Variants in LY75 observed in about 807,000 individuals in gnomAD.
The protein encoded by LY75 is C-type lectin domain family 13 member B.
A neutral mutation model predicts 231.7 loss-of-function variants in LY75; 185 were observed. The ratio of observed to expected loss-of-function variants is 0.80; its 90% CI spans 0.71 to 0.90. LY75 has a LOEUF of 0.90. Among genes scored for constraint, LY75 ranks in the 40% least tolerant of loss-of-function variants. The pLI, the probability that LY75 is intolerant of heterozygous loss-of-function variation, is 0.00. For synonymous variants in LY75, 668 were observed against 689.0 expected (o/e 0.97, Z 0.48); for missense variants, 1,947 against 2,050.2 (o/e 0.95, Z 0.97).
chr2:159,806,407 T>A (rs1682793899), intron 34 of LY75, among the ~76,000 whole-genome samples: 2 of 152,242 alleles, frequency 1.3e-5, no homozygotes, highest in Admixed American at 1.3e-4. Context: ...ATGCAAGATC[T>A]TTAAAAATGT....
chr2:159,857,569 C>G (rs1219543968), intron 16 of LY75, among the ~76,000 whole-genome samples: 1 of 152,078 alleles, frequency 6.6e-6, no homozygotes, highest in African/African-American at 2.4e-5. Flanking sequence ...TGGTGAAACC[C>G]TGACTCTACT....
chr2:159,864,810 C>G (rs1408616808), intron 14 of LY75, 29 bp downstream of exon 14: 4 of 1,522,146 alleles, frequency 2.6e-6, no homozygotes, highest in African/African-American at 2.8e-5. Flanking sequence ...TGTTTCCATA[C>G]TACCTAAAAC....
chr2:159,855,039 G>T, intron 16 of LY75, 100 bp from the exon 17 acceptor site: 1 of 1,481,076 alleles, frequency 6.8e-7, no homozygotes, highest in Non-Finnish European at 9.3e-7. Context: ...TTGCAGTATT[G>T]TTGAGTCTTG....
At chr2:159,826,509 A>G (rs1192986971) in intron 28 of LY75, among the ~76,000 whole-genome samples, 1 of 152,180 alleles carries the variant, frequency 6.6e-6, no homozygotes, top group Non-Finnish European at 1.5e-5. Context: ...TAGAATCAAT[A>G]TCGTGAAAAT....
chr2:159,888,622 A>C (rs1685664101), intron 4 of LY75, among the ~76,000 whole-genome samples: 2 of 152,206 alleles, frequency 1.3e-5, no homozygotes, highest in South Asian at 4.1e-4. Flanking sequence ...GTGTGACAGA[A>C]TGCATCTGAA....
intron 25 of LY75, 114 bp from the exon 26 acceptor site, chr2:159,835,759 T>C: frequency 7.7e-7 from 1 of 1,305,278 alleles, no homozygotes; most frequent in Non-Finnish European, 1.0e-6. Context: ...TTAATACACA[T>C]TTACATACCA....
chr2:159,840,941 G>C lies in LY75; in HGVS notation c.3295C>G (p.Gln1099Glu), dbSNP rs148672696. 3.3e-5 allele frequency: 53 copies of C among 1,613,524 alleles called. No homozygotes were observed. The highest frequency in any genetic ancestry group is 4.3e-5 in the Non-Finnish European group (51 of 1,179,934). The change falls in exon 25 of 35, where the codon CAG (glutamine) becomes GAG (glutamate). Residue 1099 changes from glutamine to glutamate, a missense_variant. Transcript: ENST00000263636. ...CQKYSEVKSRQTLQNASETVK... is the reference protein window; with the variant it reads ...CQKYSEVKSRETLQNASETVK... Reference sequence around the variant, plus strand: ...GTTTCTGAAGCATTCTGCAACGTCTGTCTGCTTTTAACTTCTGCATGTAAA... The same window carrying C: ...GTTTCTGAAGCATTCTGCAACGTCTCTCTGCTTTTAACTTCTGCATGTAAA...
intron 12 of LY75, among the ~76,000 whole-genome samples, chr2:159,873,637 TTTTGGGATGGCATCTAGTGG>T (rs1425862809): frequency 6.6e-6 from 1 of 151,904 alleles, no homozygotes; most frequent in African/African-American, 2.4e-5. Flanking sequence ...AGCCACCGAA[TTTTGGGATGGCATCTAGTGG>T]TTTGTTTATG....
At chr2:159,873,580 C>A (rs1212635026) in intron 12 of LY75, among the ~76,000 whole-genome samples, 2 of 152,108 alleles carry the variant, frequency 1.3e-5, no homozygotes, top group Admixed American at 6.6e-5. Flanking sequence ...CAAACTCTAG[C>A]TGGCCTGAAG....
chr2:159,866,418 T>C (rs941129927), intron 13 of LY75, among the ~76,000 whole-genome samples: 12 of 152,228 alleles, frequency 7.9e-5, no homozygotes, highest in Admixed American at 5.9e-4. Context: ...GGAATATGAA[T>C]GAGGACTGTC....
chr2:159,865,418 C>T (rs1487368534), intron 13 of LY75, among the ~76,000 whole-genome samples: 2 of 151,776 alleles, frequency 1.3e-5, no homozygotes, highest in Non-Finnish European at 1.5e-5. Context: ...AGAAATATAC[C>T]AGAAAAATAA....
At chr2:159,840,646 T>C in intron 25 of LY75, 83 bp downstream of exon 25, 3 of 1,562,330 alleles carry the variant, frequency 1.9e-6, no homozygotes, top group Non-Finnish European at 2.6e-6. Flanking sequence ...CTGTTTGTTT[T>C]AGTCTGCTGT....
In LY75 at chr2:159,904,555, C is replaced by T. The variant is rs1394653711; in HGVS notation, c.94+34G>A. On this transcript the variant is annotated intron_variant, in intron 1 of 34. Transcript: ENST00000263636. ...AGCAGAGCTGTGGCGTCGAGGCACC[C>T]AGCGGACTGCGGGGCTGGCGTGCCC... The T allele has an allele frequency of 3.3e-6, 5 of 1,501,702 alleles. No individual in the cohort carries two copies. The African/African-American group carries it at 7.2e-5, about 22-fold the overall frequency. 93.0% of individuals were successfully genotyped at this position (1,501,702 alleles called of 1,614,324 possible).
At chr2:159,833,465 C>T (rs1234810555) in intron 27 of LY75, among the ~76,000 whole-genome samples, 1 of 152,136 alleles carries the variant, frequency 6.6e-6, no homozygotes, top group Admixed American at 6.5e-5. Flanking sequence ...CAAACATAGA[C>T]TAGTTCTTGA....
chr2:159,862,291 C>CAAAA lies in LY75; in HGVS notation c.2200-1406_2200-1403dup, dbSNP rs71000315. Among the ~76,000 whole-genome samples, 203 of 123,316 alleles carry CAAAA rather than the reference C, an allele frequency of 1.6e-3. 1 individual carries two copies. The Middle Eastern group carries it at 0.041, about 25-fold the overall frequency. 80.9% of individuals were successfully genotyped at this position (123,316 alleles called of 152,430 possible). Reference sequence around the variant, plus strand: ...TGGGCGACAGAGTGAGACTACGTCTCAAAAAAAAAAAAAAAAAATTAGCCG... The same window carrying CAAAA: ...TGGGCGACAGAGTGAGACTACGTCTCAAAAAAAAAAAAAAAAAAAAAATTAGCCG... On this transcript the variant is annotated intron_variant, in intron 14 of 34. Coordinates refer to ENST00000263636, the MANE Select transcript of LY75 (RefSeq NM_002349.4).
intron 3 of LY75, 93 bp downstream of exon 3, chr2:159,893,821 G>T: frequency 7.0e-7 from 1 of 1,437,774 alleles, no homozygotes; most frequent in Non-Finnish European, 9.2e-7. Flanking sequence ...TATTTTTGCA[G>T]TCACTTTTGA....
chr2:159,864,713 T>C, intron 14 of LY75, 126 bp downstream of exon 14: 2 of 899,314 alleles, frequency 2.2e-6, no homozygotes, highest in Non-Finnish European at 3.1e-6. Context: ...CAAGATTTCT[T>C]TGGCTATTCA....
chr2:159,890,513 G>C, intron 3 of LY75, 136 bp from the exon 4 acceptor site: 1 of 1,221,438 alleles, frequency 8.2e-7, no homozygotes, highest in Non-Finnish European at 1.1e-6. Context: ...CACTCATTTA[G>C]ACCATATTTT....
intron 32 of LY75, among the ~76,000 whole-genome samples, chr2:159,809,236 T>C (rs534278318): frequency 5.9e-5 from 9 of 152,324 alleles, no homozygotes; most frequent in African/African-American, 2.2e-4. Context: ...GTAAACAAGT[T>C]TTGGTCTTTG....
Sources: gnomAD v4.1 joint callset for allele counts (sites outside exome capture counted in the v4.1 genomes callset) on GRCh38, gnomAD v4.1.1 for gene constraint, MANE v1.5 for transcripts, NCBI Gene and HGNC (gene_info 2026-07-23, HGNC 2026-07-21) for gene names.